Variants in NKAIN2 observed in about 807,000 individuals in gnomAD.
NKAIN2 encodes the protein sodium/potassium transporting ATPase interacting 2.
NKAIN2 carries 14 observed loss-of-function variants against 32.6 expected under a neutral mutation model. The ratio of observed to expected loss-of-function variants is 0.43; its 90% CI spans 0.28 to 0.67. NKAIN2 has a LOEUF of 0.67. Ranked by LOEUF, NKAIN2 falls within the 30% of genes least tolerant of loss-of-function variation. NKAIN2 has a pLI of 0.17. For synonymous variants in NKAIN2, 80 were observed against 87.2 expected, an observed-to-expected ratio of 0.92 and a Z score of 0.46; for missense variants, 198 against 258.3, an observed-to-expected ratio of 0.77 and a Z score of 1.60.
chr6:124,199,578 G>A lies in NKAIN2; in HGVS notation c.55-83427G>A, dbSNP rs941757817. Among the ~76,000 whole-genome samples, 10 of 152,054 alleles carry A rather than the reference G, an allele frequency of 6.6e-5. No homozygotes were observed. In the East Asian group the frequency reaches 1.3e-3, roughly 21 times the overall value. The stretch of plus-strand genomic sequence containing the variant: ...TGTCTGGAAAAATTACAGAAAGCTC[G>A]GTTCTTATTGGATCAAAAAATAAAT... On this transcript the variant is annotated intron_variant, in intron 1 of 6. Transcript: ENST00000368417.
rs186608402 is a variant in NKAIN2 at position 124,374,825 on chromosome 6, C to T, written c.273+19478C>T. 1.2e-4 allele frequency among the ~76,000 whole-genome samples: 19 copies of T among 152,008 alleles called. No individual in the cohort carries two copies. The East Asian group carries it at 3.1e-3, about 25-fold the overall frequency. ...ATATATCCCTAGGTGGTTTATTTTACGGTGCTTTTAAGATCAGAAAATTAG... is the reference window on the plus strand; with the variant it reads ...ATATATCCCTAGGTGGTTTATTTTATGGTGCTTTTAAGATCAGAAAATTAG... On this transcript the variant is annotated intron_variant, in intron 3 of 6. Coordinates refer to ENST00000368417, the MANE Select transcript of NKAIN2 (RefSeq NM_001040214.3).
intron 1 of NKAIN2, among the ~76,000 whole-genome samples, chr6:124,192,199 A>T (rs1281057355): frequency 1.3e-5 from 2 of 151,770 alleles, no homozygotes; most frequent in African/African-American, 4.8e-5. Flanking sequence ...ACTGCTTTAA[A>T]TTTTTTCTCC....
Position 123,955,765 on chromosome 6 carries a change from G to A in NKAIN2, c.54+151511G>A, listed in dbSNP as rs560285097. Among the ~76,000 whole-genome samples, 25 of 151,952 alleles carry A rather than the reference G, an allele frequency of 1.6e-4. No homozygotes were observed. The South Asian group carries it at 5.0e-3, about 30-fold the overall frequency. Reference sequence around the variant, plus strand: ...CTCATTCTCCTGAGTATCTGGGACTGCAAGCGTATGCCATCACACCTGAAT... The same window carrying A: ...CTCATTCTCCTGAGTATCTGGGACTACAAGCGTATGCCATCACACCTGAAT... On this transcript the variant is annotated intron_variant, in intron 1 of 6. Transcript: ENST00000368417.
chr6:124,786,076 T>G (rs1355801135), intron 4 of NKAIN2, among the ~76,000 whole-genome samples: 1 of 152,108 alleles, frequency 6.6e-6, no homozygotes, highest in East Asian at 1.9e-4. Context: ...CTAGGCTGCC[T>G]TTTCCCTTTT....
chr6:124,660,950 A>C (rs1372541544), intron 4 of NKAIN2, among the ~76,000 whole-genome samples: 2 of 152,222 alleles, frequency 1.3e-5, no homozygotes, highest in Admixed American at 1.3e-4. Context: ...AATTGATGAA[A>C]TAGTGTCTTA....
intron 3 of NKAIN2, among the ~76,000 whole-genome samples, chr6:124,448,822 A>G (rs1457019783): frequency 1.3e-5 from 2 of 152,166 alleles, no homozygotes; most frequent in Non-Finnish European, 2.9e-5. Context: ...TATAGTGAAT[A>G]GAATTCATGA....
At chr6:124,685,938 C>T (rs1773850962) in intron 4 of NKAIN2, among the ~76,000 whole-genome samples, 2 of 152,188 alleles carry the variant, frequency 1.3e-5, no homozygotes, top group African/African-American at 4.8e-5. Flanking sequence ...GAATTATCTG[C>T]TTCAGTGTTT....
At chr6:124,319,909 A>G (rs1238371744) in intron 2 of NKAIN2, among the ~76,000 whole-genome samples, 1 of 152,170 alleles carries the variant, frequency 6.6e-6, no homozygotes, top group Non-Finnish European at 1.5e-5. Context: ...CATCCAGATC[A>G]TCAGGCAGAG....
At chr6:124,323,751 T>C (rs1797291074) in intron 2 of NKAIN2, among the ~76,000 whole-genome samples, 1 of 151,692 alleles carries the variant, frequency 6.6e-6, no homozygotes, top group Non-Finnish European at 1.5e-5. Context: ...TTTTGAAAGA[T>C]TGATTTAGCT....
At chr6:124,011,810 C>T (rs1310209214) in intron 1 of NKAIN2, among the ~76,000 whole-genome samples, 1 of 152,140 alleles carries the variant, frequency 6.6e-6, no homozygotes, top group Non-Finnish European at 1.5e-5. Context: ...TATATTCCTG[C>T]CACGAGACCC....
At chr6:124,379,108 AAGAAG>A (rs946048215) in intron 3 of NKAIN2, among the ~76,000 whole-genome samples, 1 of 118,000 alleles carries the variant, frequency 8.5e-6, no homozygotes, top group African/African-American at 3.1e-5. Flanking sequence ...AAAGAAAGGA[AAGAAG>A]AGGAGAGGGG....
chr6:123,813,417 A>T (rs746907954), intron 1 of NKAIN2, among the ~76,000 whole-genome samples: 3 of 152,152 alleles, frequency 2.0e-5, no homozygotes, highest in Non-Finnish European at 4.4e-5. Flanking sequence ...GTTTTACCTG[A>T]TTGCTTTGAA....
intron 1 of NKAIN2, among the ~76,000 whole-genome samples, chr6:123,897,027 CTTG>C (rs1582736407): frequency 6.6e-6 from 1 of 152,246 alleles, no homozygotes; most frequent in Non-Finnish European, 1.5e-5. Context: ...CTGGCCACCT[CTTG>C]TTGTCCTTGA....
At chr6:124,163,482 G>T (rs1348814751) in intron 1 of NKAIN2, among the ~76,000 whole-genome samples, 1 of 151,646 alleles carries the variant, frequency 6.6e-6, no homozygotes, top group Non-Finnish European at 1.5e-5. Context: ...TCCTAGTCTT[G>T]AGTTCTCTAA....
At chr6:123,981,444 G>T (rs1021618836) in intron 1 of NKAIN2, among the ~76,000 whole-genome samples, 3 of 152,128 alleles carry the variant, frequency 2.0e-5, no homozygotes, top group Non-Finnish European at 4.4e-5. Flanking sequence ...ACATCTGCAT[G>T]CCCCACGGTG....
At chr6:124,385,326 C>T (rs1772848083) in intron 3 of NKAIN2, among the ~76,000 whole-genome samples, 1 of 152,120 alleles carries the variant, frequency 6.6e-6, no homozygotes, top group African/African-American at 2.4e-5. Context: ...CTCTTAGCCA[C>T]TGGCAGCCCT....
chr6:124,288,633 G>A (rs1440506734), intron 2 of NKAIN2, among the ~76,000 whole-genome samples: 2 of 151,828 alleles, frequency 1.3e-5, no homozygotes, highest in African/African-American at 2.4e-5. Context: ...GCTTTTTGAT[G>A]GTGATTTTAC....
intron 4 of NKAIN2, among the ~76,000 whole-genome samples, chr6:124,713,890 C>CT (rs2114613025): frequency 6.6e-6 from 1 of 152,286 alleles, no homozygotes; most frequent in South Asian, 2.1e-4. Flanking sequence ...GTCAGAGATG[C>CT]TATAGGGTCA....
At chr6:124,819,302 G>A (rs549759318) in intron 6 of NKAIN2, 1 of 157,494 alleles carries the variant, frequency 6.3e-6, no homozygotes, top group South Asian at 2.0e-4. Context: ...AATGGAGTTT[G>A]GGAGTAAGTA....
Sources: allele counts gnomAD v4.1 joint callset (sites outside exome capture counted in the v4.1 genomes callset), GRCh38; gene constraint gnomAD v4.1.1; transcripts MANE v1.5; gene names NCBI Gene and HGNC (gene_info 2026-07-23, HGNC 2026-07-21).